Variants in DLG2 observed in about 807,000 individuals in gnomAD.
DLG2 encodes the protein discs large MAGUK scaffold protein 2, also known as disks large homolog 2.
In DLG2, 45 loss-of-function variants were observed where a neutral mutation model predicts 132.5. The observed-to-expected ratio is 0.34, with a 90% CI of 0.27 to 0.44. The LOEUF is 0.44. Among genes scored for constraint, DLG2 ranks in the 20% least tolerant of loss-of-function variants. The pLI, the probability that DLG2 is intolerant of heterozygous loss-of-function variation, is 1.00. For synonymous variants in DLG2, 424 were observed against 419.6 expected (o/e 1.01, Z -0.13); for missense variants, 1,045 against 1,196.9 (o/e 0.87, Z 1.87).
At chr11:84,062,731 T>A (rs577728141) in intron 10 of DLG2, among the ~76,000 whole-genome samples, 10 of 52,470 alleles carry the variant, frequency 1.9e-4, no homozygotes, top group African/African-American at 4.0e-4. Flanking sequence ...GAGTTGATTG[T>A]TTTAATTTTT....
chr11:85,427,807 C>T (rs186145415), intron 3 of DLG2, among the ~76,000 whole-genome samples: 1 of 152,148 alleles, frequency 6.6e-6, no homozygotes, highest in African/African-American at 2.4e-5. Flanking sequence ...GGACTAAATG[C>T]TCCAATTAAA....
At chr11:84,229,962 G>A (rs2097067051) in intron 8 of DLG2, among the ~76,000 whole-genome samples, 1 of 152,110 alleles carries the variant, frequency 6.6e-6, no homozygotes, top group South Asian at 2.1e-4. Flanking sequence ...CTAGTCAAGA[G>A]AGATGAATAT....
intron 6 of DLG2, among the ~76,000 whole-genome samples, chr11:84,942,279 G>T (rs1415954135): frequency 1.3e-5 from 2 of 151,762 alleles, no homozygotes; most frequent in African/African-American, 2.4e-5. Flanking sequence ...TTGGGGTTTG[G>T]TTTGCTCTTG....
At chr11:85,607,554 C>T (rs765521457) in intron 2 of DLG2, among the ~76,000 whole-genome samples, 2 of 152,202 alleles carry the variant, frequency 1.3e-5, no homozygotes, top group Non-Finnish European at 2.9e-5. Context: ...CTCTCTGGTG[C>T]TTTTCTAGTT....
At chr11:84,393,987 G>A (rs2098802087) in intron 7 of DLG2, among the ~76,000 whole-genome samples, 1 of 152,086 alleles carries the variant, frequency 6.6e-6, no homozygotes, top group South Asian at 2.1e-4. Context: ...CTGGGTTCAA[G>A]CAATTCTCCT....
intron 3 of DLG2, among the ~76,000 whole-genome samples, chr11:85,402,810 T>G (rs1216922122): frequency 6.6e-6 from 1 of 152,148 alleles, no homozygotes; most frequent in Admixed American, 6.6e-5. Flanking sequence ...TCACGCCAGT[T>G]AGAATGTCGA....
At chr11:83,724,262 T>C (rs1269072929) in intron 18 of DLG2, among the ~76,000 whole-genome samples, 1 of 152,112 alleles carries the variant, frequency 6.6e-6, no homozygotes, top group Admixed American at 6.6e-5. Flanking sequence ...TTCAAGTCTG[T>C]CTGGTTCTTT....
intron 6 of DLG2, among the ~76,000 whole-genome samples, chr11:85,051,397 C>A (rs1174228392): frequency 1.3e-5 from 2 of 152,056 alleles, no homozygotes; most frequent in Non-Finnish European, 2.9e-5. Flanking sequence ...TAAATTCCCT[C>A]CCCAAGAAAT....
chr11:85,522,939 T>A (rs1348495103), intron 3 of DLG2, among the ~76,000 whole-genome samples: 1 of 152,142 alleles, frequency 6.6e-6, no homozygotes, highest in Non-Finnish European at 1.5e-5. Flanking sequence ...GTTAAGACAT[T>A]GGGTGACTGT....
intron 6 of DLG2, among the ~76,000 whole-genome samples, chr11:84,618,483 A>C (rs2099608407): frequency 6.6e-6 from 1 of 152,100 alleles, no homozygotes; most frequent in Admixed American, 6.6e-5. Context: ...ACCAAATGAC[A>C]CACAAAATCC....
At chr11:85,043,773 T>C (rs542355771) in intron 6 of DLG2, among the ~76,000 whole-genome samples, 2 of 151,960 alleles carry the variant, frequency 1.3e-5, no homozygotes, top group African/African-American at 4.8e-5. Flanking sequence ...GAAAATTACA[T>C]ATAAAGTAGT....
chr11:83,657,570 G>T (rs1367856455), intron 18 of DLG2, among the ~76,000 whole-genome samples: 2 of 113,202 alleles, frequency 1.8e-5, no homozygotes, highest in South Asian at 5.6e-4. Flanking sequence ...ATGGAGTCTC[G>T]TTCTGTCACC....
chr11:84,767,969 G>A (rs1427340980), intron 6 of DLG2, among the ~76,000 whole-genome samples: 1 of 152,122 alleles, frequency 6.6e-6, no homozygotes, highest in Non-Finnish European at 1.5e-5. Flanking sequence ...CCTGCATTAA[G>A]AAAATGATAC....
intron 18 of DLG2, among the ~76,000 whole-genome samples, chr11:83,741,463 A>G (rs562708657): frequency 1.3e-5 from 2 of 152,348 alleles, no homozygotes; most frequent in Admixed American, 1.3e-4. Flanking sequence ...AAGTTTCAGG[A>G]TACAAAATTA....
At chr11:85,050,227 A>C (rs535667129) in intron 6 of DLG2, among the ~76,000 whole-genome samples, 2 of 152,154 alleles carry the variant, frequency 1.3e-5, no homozygotes, top group African/African-American at 4.8e-5. Context: ...AGAAGGAATT[A>C]AAAATGTACA....
chr11:84,985,992 A>C lies in DLG2; in HGVS notation c.357+125669T>G, dbSNP rs1414174397. ...GGGCAACGGAGCAAGACTCCGTCTC[A>C]AAAAAAAAAAAAAAAAAAAAAAAAA... On this transcript the variant is annotated intron_variant, in intron 6 of 27. Coordinates refer to ENST00000376104, the MANE Select transcript of DLG2 (RefSeq NM_001142699.3). Among the ~76,000 whole-genome samples, 9 of 10,858 alleles carry C rather than the reference A, an allele frequency of 8.3e-4. No homozygotes were observed. In the Admixed American group the frequency reaches 0.012, roughly 14 times the overall value. 7.1% of individuals were successfully genotyped at this position (10,858 alleles called of 152,430 possible).
chr11:84,194,936 G>A (rs12800591), intron 8 of DLG2, among the ~76,000 whole-genome samples: 8,294 of 152,246 alleles, frequency 0.054, 257 homozygotes, highest in African/African-American at 0.062. Flanking sequence ...CGTCCTGGCC[G>A]CGTGCAGCCT....
intron 6 of DLG2, among the ~76,000 whole-genome samples, chr11:85,045,573 CA>C (rs143689259): frequency 5.3e-5 from 8 of 151,418 alleles, no homozygotes; most frequent in Admixed American, 4.6e-4. Flanking sequence ...ACAAAATAAA[CA>C]AAAAAAATGT....
rs1159344160 is a variant in DLG2 at position 84,221,213 on chromosome 11, C to T, written c.573+30025G>A. 2.6e-5 allele frequency among the ~76,000 whole-genome samples: 4 copies of T among 152,074 alleles called. No homozygotes were observed. The East Asian group carries it at 7.8e-4, about 30-fold the overall frequency. On this transcript the variant is annotated intron_variant, in intron 8 of 27. Transcript: ENST00000376104. ...AGGCTGGGCGCAGTGGGCCTGTAAT[C>T]CCAGCACTTTGGGAGGCCAAGGTGG...
Sources: allele counts gnomAD v4.1 joint callset (sites outside exome capture counted in the v4.1 genomes callset), GRCh38; gene constraint gnomAD v4.1.1; transcripts MANE v1.5; gene names NCBI Gene and HGNC (gene_info 2026-07-23, HGNC 2026-07-21).